TG: variants seen among roughly 807,000 people sequenced by gnomAD.
TG encodes the protein thyroid hormones.
Under a neutral mutation model 324.7 loss-of-function variants are expected in TG, and 270 were observed. That is an observed-to-expected ratio of 0.83 (90% CI 0.75 to 0.92). The LOEUF is 0.92. TG is among the 40% of genes least tolerant of loss of function. The pLI is 0.00. For missense variants in TG, 3,591 were observed against 3,456.4 expected (o/e 1.04, Z -0.98); for synonymous variants, 1,401 against 1,327.0 (o/e 1.06, Z -1.21).
At chr8:132,921,351 T>C (rs955936341) in intron 21 of TG, among the ~76,000 whole-genome samples, 1 of 152,222 alleles carries the variant, frequency 6.6e-6, no homozygotes, top group Non-Finnish European at 1.5e-5. Context: ...GAGAGCTGTA[T>C]TGAATCATTG....
At chr8:133,050,423 T>C (rs1273590192) in intron 41 of TG, 2 of 252,694 alleles carry the variant, frequency 7.9e-6, no homozygotes, top group Non-Finnish European at 1.5e-5. Context: ...ACTGCAGAGG[T>C]AAGAGGAGAG....
At chr8:132,885,061 A>G (rs1815188622) in intron 8 of TG, among the ~76,000 whole-genome samples, 1 of 151,454 alleles carries the variant, frequency 6.6e-6, no homozygotes, top group South Asian at 2.1e-4. Context: ...GCCTGGTTAC[A>G]GAAGGAAATT....
chr8:133,125,926 T>G (rs1250226960), intron 45 of TG, among the ~76,000 whole-genome samples: 1 of 152,216 alleles, frequency 6.6e-6, no homozygotes, highest in East Asian at 1.9e-4. Context: ...ATATATATAA[T>G]GCACAATGGT....
chr8:133,008,257 A>G (rs1408724957), intron 35 of TG, among the ~76,000 whole-genome samples: 2 of 152,224 alleles, frequency 1.3e-5, no homozygotes, highest in Non-Finnish European at 2.9e-5. Context: ...TATTTTACAA[A>G]ACAAAATAAT....
At chr8:133,027,386 C>G (rs1308448118) in intron 40 of TG, among the ~76,000 whole-genome samples, 2 of 152,200 alleles carry the variant, frequency 1.3e-5, no homozygotes, top group African/African-American at 4.8e-5. Flanking sequence ...GAGAGCAGTC[C>G]TCTGGTGTCT....
At chr8:132,952,361 G>A (rs72727438) in intron 27 of TG, among the ~76,000 whole-genome samples, 9,792 of 152,248 alleles carry the variant, frequency 0.064, 413 homozygotes, top group Non-Finnish European at 0.09. Context: ...CCTTATTCAA[G>A]ACATTTGACC....
intron 27 of TG, among the ~76,000 whole-genome samples, chr8:132,955,746 C>A (rs1308420254): frequency 6.6e-6 from 1 of 152,216 alleles, no homozygotes; most frequent in Non-Finnish European, 1.5e-5. Flanking sequence ...TGTGACCACT[C>A]CTAGAGTGTG....
chr8:132,969,048 A>AT (rs1829072382), intron 31 of TG, among the ~76,000 whole-genome samples: 1 of 152,018 alleles, frequency 6.6e-6, no homozygotes, highest in Admixed American at 6.6e-5. Context: ...GAGGCCAAAT[A>AT]GCTTCTTAAA....
chr8:133,017,954 G>C lies in TG; in HGVS notation c.6739G>C (p.Glu2247Gln). ...PLAERRFQAP[E>Q]PLNWTGSWDA... ...GGCAGAGAGGCGCTTCCAGGCACCA[G>C]AGCCCTTGAACTGGACAGGCTCCTG... is the stretch of plus-strand genomic sequence containing the variant. Residue 2247 changes from glutamate (E) to glutamine (Q), a missense_variant, in exon 38 of 48, where the codon GAG (glutamate) becomes CAG (glutamine). Physicochemically the swap from Glu to Gln is conservative, Grantham distance 29 (BLOSUM62 2). Transcript: ENST00000220616. 1.2e-6 allele frequency: 2 copies of C among 1,614,224 alleles called. No individual in the cohort carries two copies. Among genetic ancestry groups the C allele is most frequent in the Non-Finnish European group, 1.7e-6 (2 of 1,180,048 alleles).
chr8:132,942,615 G>A (rs1192777083), intron 26 of TG, among the ~76,000 whole-genome samples: 2 of 152,184 alleles, frequency 1.3e-5, no homozygotes, highest in Admixed American at 1.3e-4. Context: ...AGTGTGCACC[G>A]TGAAAGGGGA....
Position 132,886,611 on chromosome 8 carries a change from G to A in TG, c.1239G>A (p.Lys413=). 6.2e-7 allele frequency: 1 copy of A among 1,614,140 alleles called. No individual in the cohort carries two copies. The highest frequency in any genetic ancestry group is 8.5e-7 in the Non-Finnish European group (1 of 1,180,038). Residue 413 remains lysine (K), a synonymous_variant, in exon 9 of 48, where the codon AAG becomes AAA. Transcript: ENST00000220616. ...RFATSCPPTI[K]ELFVDSGLLR... is the part of the protein sequence containing the mutation. The stretch of plus-strand genomic sequence containing the variant: ...CCACATCCTGCCCACCCACGATCAA[G>A]GAGCTCTTTGTGGACTCTGGGCTTC...
At chr8:132,941,647 G>C in intron 26 of TG, 105 bp downstream of exon 26, 1 of 1,323,484 alleles carries the variant, frequency 7.6e-7, no homozygotes, top group Non-Finnish European at 1.1e-6. Flanking sequence ...TACAGTGTGA[G>C]TGCCTACACC....
At chr8:133,081,477 G>A (rs993346309) in intron 41 of TG, among the ~76,000 whole-genome samples, 3 of 152,186 alleles carry the variant, frequency 2.0e-5, no homozygotes, top group Non-Finnish European at 2.9e-5. Flanking sequence ...AGTTGGATCA[G>A]CGGTCCATCT....
In TG at chr8:133,038,759, A is replaced by G. The variant is rs754741112; in HGVS notation, c.7239+8736A>G. 1.9e-6 allele frequency: 3 copies of G among 1,561,484 alleles called. No individual in the cohort carries two copies. The Admixed American group carries it at 5.1e-5, about 26-fold the overall frequency. On this transcript the variant is annotated intron_variant, in intron 41 of 47. Transcript: ENST00000220616. ...CAGTCTGTGGGCCAGAAGAAAAGGCAGTAGAGAAAGGGAAAAAAAGAGAGT... is the reference window on the plus strand; with the variant it reads ...CAGTCTGTGGGCCAGAAGAAAAGGCGGTAGAGAAAGGGAAAAAAAGAGAGT...
At chr8:133,077,468 G>A (rs1054131891) in intron 41 of TG, among the ~76,000 whole-genome samples, 24 of 152,190 alleles carry the variant, frequency 1.6e-4, no homozygotes, top group East Asian at 3.9e-4. Context: ...CCTCCCTTTC[G>A]CCTCCTGGAG....
intron 46 of TG, among the ~76,000 whole-genome samples, chr8:133,132,187 C>T (rs948535403): frequency 6.6e-6 from 1 of 152,194 alleles, no homozygotes; most frequent in Non-Finnish European, 1.5e-5. Flanking sequence ...GACTCTAGAT[C>T]GGGGTTTCTC....
At chr8:132,882,746 G>A (rs1814826641) in intron 7 of TG, 68 bp from the exon 8 acceptor site, 1 of 1,610,482 alleles carries the variant, frequency 6.2e-7, no homozygotes, top group African/African-American at 1.3e-5. Context: ...AGAGCAAACA[G>A]CAGTGCATGC....
intron 27 of TG, among the ~76,000 whole-genome samples, chr8:132,955,333 A>C (rs1419774752): frequency 2.6e-5 from 4 of 152,192 alleles, no homozygotes; most frequent in African/African-American, 4.8e-5. Flanking sequence ...CCATCTTGCT[A>C]TCCTTGGCAC....
At chr8:133,111,250 G>A (rs2131744216) in intron 43 of TG, among the ~76,000 whole-genome samples, 1 of 152,232 alleles carries the variant, frequency 6.6e-6, no homozygotes, top group African/African-American at 2.4e-5. Context: ...AGTAAGACCT[G>A]GGGTTAAATC....
Sources: allele counts gnomAD v4.1 joint callset (sites outside exome capture counted in the v4.1 genomes callset), GRCh38; gene constraint gnomAD v4.1.1; transcripts MANE v1.5; gene names NCBI Gene and HGNC (gene_info 2026-07-23, HGNC 2026-07-21).